KCNC4: variants seen among roughly 807,000 people sequenced by gnomAD.
KCNC4 encodes the protein voltage-gated potassium channel KCNC4.
Under a neutral mutation model 42.8 loss-of-function variants are expected in KCNC4, and 23 were observed. The observed-to-expected ratio is 0.54, with a 90% CI of 0.39 to 0.76. The LOEUF is 0.76. Among genes scored for constraint, KCNC4 ranks in the 30% least tolerant of loss-of-function variants. The pLI is 0.00. For missense variants in KCNC4, 751 were observed against 898.2 expected (o/e 0.84, Z 2.10); for synonymous variants, 422 against 393.5 (o/e 1.07, Z -0.86).
At chr1:110,267,429 G>A (rs1378696664) in intron 1 of KCNC4, among the ~76,000 whole-genome samples, 1 of 151,950 alleles carries the variant, frequency 6.6e-6, no homozygotes, top group Non-Finnish European at 1.5e-5. Flanking sequence ...CTTATTCCCC[G>A]CTGCCTCCAT....
intron 1 of KCNC4, among the ~76,000 whole-genome samples, chr1:110,217,836 A>T (rs1247774448): frequency 6.6e-6 from 1 of 152,126 alleles, no homozygotes; most frequent in East Asian, 1.9e-4. Flanking sequence ...GGAGCCAGGG[A>T]TAGCTCAGAG....
At chr1:110,275,145 C>T (rs1279295874) in intron 1 of KCNC4, among the ~76,000 whole-genome samples, 1 of 151,870 alleles carries the variant, frequency 6.6e-6, no homozygotes, top group Non-Finnish European at 1.5e-5. Flanking sequence ...TTACAAGGAA[C>T]TCAAACAACA....
intron 1 of KCNC4, among the ~76,000 whole-genome samples, chr1:110,278,224 G>A (rs1470581007): frequency 6.6e-6 from 1 of 152,112 alleles, no homozygotes; most frequent in Admixed American, 6.5e-5. Flanking sequence ...ATTCTCCAGG[G>A]AGAGTCACCA....
At chr1:110,215,315 C>T (rs1414982172) in intron 1 of KCNC4, among the ~76,000 whole-genome samples, 1 of 152,172 alleles carries the variant, frequency 6.6e-6, no homozygotes, top group African/African-American at 2.4e-5. Flanking sequence ...GTTTCTGTGG[C>T]CTGAGCTGGG....
At chr1:110,220,015 G>T (rs1397998824) in intron 1 of KCNC4, 1 of 152,238 alleles carries the variant, frequency 6.6e-6, no homozygotes, top group Non-Finnish European at 1.5e-5. Flanking sequence ...CCACAGTGGA[G>T]ATTGAGGCCC....
At chr1:110,240,473 C>T (rs1367332311) in exon 4 of KCNC4, 1 of 152,358 alleles carries the variant, frequency 6.6e-6, no homozygotes, top group Non-Finnish European at 1.5e-5. Context: ...ACTCCAAATC[C>T]AGCATCAGTG....
downstream of KCNC4, among the ~76,000 whole-genome samples, chr1:110,252,372 G>A (rs187892050): frequency 7.2e-5 from 11 of 152,314 alleles, no homozygotes; most frequent in Admixed American, 6.5e-5. Flanking sequence ...GGTTACAGCT[G>A]TTAAATTGGT....
At position 110,232,076 on chromosome 1, in the gene KCNC4, C is replaced by T. The variant is rs1271795875; in HGVS notation, c.1820-835C>T. The T allele has an allele frequency of 4.2e-6, 3 of 707,224 alleles. No homozygotes were observed. The East Asian group carries it at 8.5e-5, about 20-fold the overall frequency. 43.8% of individuals were successfully genotyped at this position (707,224 alleles called of 1,614,324 possible). ...TGGGACAGCAGTACTCCTACCTGCC[C>T]TACCTGTGCTCCCACTGGTAAGGTA... On this transcript the variant is annotated intron_variant, in intron 3 of 3. Coordinates refer to ENST00000438661, the MANE Select transcript of KCNC4 (RefSeq NM_001039574.3).
intron 1 of KCNC4, among the ~76,000 whole-genome samples, chr1:110,255,447 G>C (rs1390595160): frequency 6.6e-6 from 1 of 152,212 alleles, no homozygotes; most frequent in Non-Finnish European, 1.5e-5. Context: ...TAGCAGGTTA[G>C]AGTCAGCACA....
chr1:110,223,186 G>A lies in KCNC4; in HGVS notation c.901G>A (p.Val301Met), dbSNP rs999658273. The change falls in exon 2 of 4, where the codon GTG becomes ATG. Residue 301 changes from valine (V) to methionine (M), a missense_variant. By Grantham distance (21) the Val-to-Met change is conservative (BLOSUM62 1). Around this residue, in one of 4 missense-constraint regions of KCNC4, gnomAD observed 185 missense variants for 293.7 expected, o/e 0.63. Transcript: ENST00000438661. This position sits in a 1 kb window ranked among gnomAD's most constrained non-coding sequence, Gnocchi z 7.5. ...CACACTGGAGTTCCTGGTGCGCATCGTGTGCTGCCCCGACACGCTGGACTT... is the reference window on the plus strand; with the variant it reads ...CACACTGGAGTTCCTGGTGCGCATCATGTGCTGCCCCGACACGCTGGACTT... The part of the protein sequence containing the change: ...WFTLEFLVRI[V>M]CCPDTLDFVK... The A allele has an allele frequency of 5.6e-6, 9 of 1,614,090 alleles. No homozygotes were observed. Among genetic ancestry groups the A allele is most frequent in the African/African-American group, 4.0e-5 (3 of 74,938 alleles).
In KCNC4 at chr1:110,223,931, T is replaced by G; in HGVS notation, c.1615+31T>G. The G allele has an allele frequency of 6.6e-7, 1 of 1,525,922 alleles. No individual in the cohort carries two copies. The highest frequency in any genetic ancestry group is 8.9e-7 in the Non-Finnish European group (1 of 1,121,318). 94.5% of individuals were successfully genotyped at this position (1,525,922 alleles called of 1,614,324 possible). A position where few individuals can be genotyped will look rare whatever the true frequency, so the allele number is the denominator to read the frequency against. ...ATTAGGGGTTGGGAAGGAAAATCCC[T>G]TTTCCCCCAGTGGCCTAGGGAGTTT... On this transcript the variant is annotated intron_variant, in intron 2 of 3. Coordinates refer to ENST00000438661, the MANE Select transcript of KCNC4 (RefSeq NM_001039574.3). The surrounding 1 kb of genome is among the most constrained non-coding windows in gnomAD (Gnocchi z 7.5).
At chr1:110,276,552 T>C (rs1385548961) in intron 1 of KCNC4, among the ~76,000 whole-genome samples, 5 of 152,138 alleles carry the variant, frequency 3.3e-5, no homozygotes, top group Non-Finnish European at 7.4e-5. Context: ...TCCCATGGCA[T>C]AATATATTGA....
chr1:110,221,073 GA>G (rs988391967), intron 1 of KCNC4: 4 of 152,168 alleles, frequency 2.6e-5, no homozygotes, highest in African/African-American at 9.7e-5. Context: ...TGTGATGGGG[GA>G]CCTGTCCTAA....
chr1:110,224,171 C>T (rs1351157636), intron 2 of KCNC4: 1 of 422,878 alleles, frequency 2.4e-6, no homozygotes, highest in Non-Finnish European at 4.2e-6. Flanking sequence ...TATTAGATGC[C>T]CTGGTTTTAA....
chr1:110,223,999 T>A lies in KCNC4; in HGVS notation c.1615+99T>A. The A allele has an allele frequency of 2.1e-6, 2 of 957,006 alleles. No individual in the cohort carries two copies. Among genetic ancestry groups the A allele is most frequent in the South Asian group, 1.7e-5 (1 of 58,990 alleles). 59.3% of individuals were successfully genotyped at this position (957,006 alleles called of 1,614,324 possible). On this transcript the variant is annotated intron_variant, in intron 2 of 3. Coordinates refer to ENST00000438661, the MANE Select transcript of KCNC4 (RefSeq NM_001039574.3). This position sits in a 1 kb window ranked among gnomAD's most constrained non-coding sequence, Gnocchi z 7.5. ...CTTGGGATTTGGCATGTGTTTTGTG[T>A]GGGGCTTCCCTAAGCATAAAGATGT...
At chr1:110,227,405 G>T (rs1177851622) in intron 3 of KCNC4, among the ~76,000 whole-genome samples, 1 of 152,216 alleles carries the variant, frequency 6.6e-6, no homozygotes, top group African/African-American at 2.4e-5. Flanking sequence ...TGAAAGGTGT[G>T]TGTCCAGCTT....
downstream of KCNC4, among the ~76,000 whole-genome samples, chr1:110,252,588 C>T (rs998299164): frequency 3.9e-5 from 6 of 152,140 alleles, no homozygotes; most frequent in Admixed American, 2.6e-4. Flanking sequence ...CAGCTGAAAC[C>T]CTGCCCCTCT....
intron 3 of KCNC4, among the ~76,000 whole-genome samples, chr1:110,227,693 C>A (rs751135370): frequency 6.6e-6 from 1 of 152,180 alleles, no homozygotes; most frequent in Non-Finnish European, 1.5e-5. Context: ...CAGTCTAGAA[C>A]GAGTGGTCCC....
At chr1:110,232,531 C>T (rs1338826023) in intron 3 of KCNC4, 1 of 1,435,354 alleles carries the variant, frequency 7.0e-7, no homozygotes, top group Non-Finnish European at 9.1e-7. Flanking sequence ...GTCCCTTTCT[C>T]CACTGCACTG....
Sources: gnomAD v4.1 joint callset for allele counts (sites outside exome capture counted in the v4.1 genomes callset) on GRCh38, gnomAD v4.1.1 for gene constraint, gnomAD v4.1.1 regional missense constraint, Gnocchi (gnomAD v3.1) non-coding constraint, MANE v1.5 for transcripts, NCBI Gene and HGNC (gene_info 2026-07-23, HGNC 2026-07-21) for gene names.